PAPOLA: variants seen among roughly 807,000 people sequenced by gnomAD.
The protein encoded by PAPOLA is poly(A) polymerase alpha.
In PAPOLA, 15 loss-of-function variants were observed where a neutral mutation model predicts 100.6. The observed-to-expected ratio is 0.15, with a 90% CI of 0.10 to 0.23. PAPOLA has a LOEUF of 0.23. Ranked by LOEUF, PAPOLA falls within the 10% of genes least tolerant of loss-of-function variation. The pLI, the probability that PAPOLA is intolerant of heterozygous loss-of-function variation, is 1.00. For missense variants in PAPOLA, 533 were observed against 884.2 expected, an observed-to-expected ratio of 0.60 and a Z score of 5.04; for synonymous variants, 293 against 300.0, an observed-to-expected ratio of 0.98 and a Z score of 0.24.
intron 14 of PAPOLA, 86 bp downstream of exon 14, chr14:96,542,979 T>C: frequency 1.4e-6 from 2 of 1,389,572 alleles, no homozygotes. Flanking sequence ...ATAACTAGTA[T>C]AACTATTCTG....
At chr14:96,543,760 ATTAAG>A (rs1475177682) in intron 14 of PAPOLA, among the ~76,000 whole-genome samples, 1 of 152,052 alleles carries the variant, frequency 6.6e-6, no homozygotes, top group Non-Finnish European at 1.5e-5. Context: ...AGAAATATCT[ATTAAG>A]TTCTAGTTAA....
At chr14:96,539,098 G>C (rs565216205) in intron 12 of PAPOLA, among the ~76,000 whole-genome samples, 2 of 151,996 alleles carry the variant, frequency 1.3e-5, no homozygotes, top group Non-Finnish European at 2.9e-5. Context: ...TTTAAATGCC[G>C]CTTCTGAGAT....
In PAPOLA at chr14:96,565,426, G is replaced by A. The variant is rs1281780236; in HGVS notation, c.*376G>A. 1 of 325,412 alleles carries A rather than the reference G, an allele frequency of 3.1e-6. No individual in the cohort carries two copies. The highest frequency in any genetic ancestry group is 5.6e-6 in the Non-Finnish European group (1 of 179,380). The allele number at this position is 325,412 out of a possible 1,614,324, so 20.2% of individuals were successfully genotyped here. A position where few individuals can be genotyped will look rare whatever the true frequency, so the allele number is the denominator to read the frequency against. Reference sequence around the variant, plus strand: ...ACTTATTCTGATGATGCACTTTTATGTATTTTTCATTAGAAAGTAGAACTA... The same window carrying A: ...ACTTATTCTGATGATGCACTTTTATATATTTTTCATTAGAAAGTAGAACTA... On this transcript the variant is annotated 3_prime_UTR_variant, in exon 22 of 22. Transcript: ENST00000216277.
At chr14:96,542,671 CTG>C (rs1900088560) in intron 13 of PAPOLA, 101 bp from the exon 14 acceptor site, 2 of 1,083,662 alleles carry the variant, frequency 1.8e-6, no homozygotes, top group African/African-American at 3.3e-5. Context: ...CTGGTTTTAT[CTG>C]TGGGAGTTCA....
chr14:96,522,877 G>A (rs961537690), intron 3 of PAPOLA, among the ~76,000 whole-genome samples: 4 of 152,052 alleles, frequency 2.6e-5, no homozygotes, highest in African/African-American at 9.7e-5. Context: ...TACAAAATCC[G>A]TGTTTAATCT....
intron 14 of PAPOLA, among the ~76,000 whole-genome samples, chr14:96,543,931 A>C (rs969460611): frequency 1.3e-5 from 2 of 152,108 alleles, no homozygotes; most frequent in Admixed American, 1.3e-4. Context: ...CACAGTTAGT[A>C]AGAGTATATT....
chr14:96,533,546 C>CTTTTTTTTTT (rs1172413058), intron 9 of PAPOLA: 13 of 574,896 alleles, frequency 2.3e-5, no homozygotes, highest in Admixed American at 2.0e-4. Context: ...GTCAGAATTT[C>CTTTTTTTTTT]TTTTTTTTTT....
chr14:96,521,493 T>TTTA (rs1897959465), intron 3 of PAPOLA, among the ~76,000 whole-genome samples: 1 of 152,042 alleles, frequency 6.6e-6, no homozygotes, highest in African/African-American at 2.4e-5. Flanking sequence ...TTATTTATTT[T>TTTA]TTATTTATTT....
chr14:96,559,016 ATTTT>A (rs753986932), intron 19 of PAPOLA, among the ~76,000 whole-genome samples: 2 of 131,368 alleles, frequency 1.5e-5, no homozygotes, highest in Admixed American at 7.6e-5. Context: ...TTTCCCTGTA[ATTTT>A]TTTTTTTTTT....
At chr14:96,506,052 C>T (rs1896694563) in intron 1 of PAPOLA, among the ~76,000 whole-genome samples, 2 of 152,046 alleles carry the variant, frequency 1.3e-5, no homozygotes, top group Non-Finnish European at 1.5e-5. Flanking sequence ...TACAGGTGTA[C>T]GCCACCACGC....
At chr14:96,518,677 G>A (rs928199352) in intron 1 of PAPOLA, among the ~76,000 whole-genome samples, 5 of 151,930 alleles carry the variant, frequency 3.3e-5, no homozygotes, top group African/African-American at 9.7e-5. Flanking sequence ...GATTACAAGC[G>A]TGAGCCACCG....
chr14:96,543,609 A>G (rs969408302), intron 14 of PAPOLA, among the ~76,000 whole-genome samples: 1 of 151,890 alleles, frequency 6.6e-6, no homozygotes, highest in Non-Finnish European at 1.5e-5. Context: ...TTTTGTGGTA[A>G]TTCTAATCTT....
Position 96,565,239 on chromosome 14 carries a change from T to C in PAPOLA, c.*189T>C, listed in dbSNP as rs1566872095. 4 of 498,812 alleles carry C rather than the reference T, an allele frequency of 8.0e-6. No homozygotes were observed. Among genetic ancestry groups the C allele is most frequent in the Non-Finnish European group, 1.1e-5 (3 of 275,670 alleles). The allele number at this position is 498,812 out of a possible 1,614,324, so 30.9% of individuals were successfully genotyped here. On this transcript the variant is annotated 3_prime_UTR_variant, in exon 22 of 22. Coordinates refer to ENST00000216277, the MANE Select transcript of PAPOLA (RefSeq NM_032632.5). ...GGTTAGTATGTGAAGCCAGGAGTAC[T>C]ATTATTATTGTGTTAGCAACAGTTG...
rs1902226866 is a variant in PAPOLA, at chr14:96,565,810, A to G, written c.*760A>G. ...GAAAGCTCTGTGTTCTTTTGCCTTC[A>G]ATCTGTTGTCTTCAAAACAAACAAA... is the stretch of plus-strand genomic sequence containing the variant. On this transcript the variant is annotated 3_prime_UTR_variant, in exon 22 of 22. Transcript: ENST00000216277. 3 of 398,236 alleles carry G rather than the reference A, an allele frequency of 7.5e-6. No homozygotes were observed. The highest frequency in any genetic ancestry group is 1.3e-5 in the Non-Finnish European group (3 of 225,742). The allele number at this position is 398,236 out of a possible 1,614,324, so 24.7% of individuals were successfully genotyped here. A position where few individuals can be genotyped will look rare whatever the true frequency, so the allele number is the denominator to read the frequency against.
intron 1 of PAPOLA, among the ~76,000 whole-genome samples, chr14:96,513,512 CA>C (rs1223578479): frequency 6.6e-6 from 1 of 152,132 alleles, no homozygotes; most frequent in Non-Finnish European, 1.5e-5. Flanking sequence ...AGTTGCTAGA[CA>C]AACTTTTAAA....
In PAPOLA at chr14:96,528,020, C is replaced by G. The variant is rs1366673511; in HGVS notation, c.495+14C>G. 1 of 1,564,144 alleles carries G rather than the reference C, an allele frequency of 6.4e-7. No individual in the cohort carries two copies. Among genetic ancestry groups the G allele is most frequent in the Non-Finnish European group, 8.8e-7 (1 of 1,134,946 alleles). Reference sequence around the variant, plus strand: ...GATGGGATAGAGGTAAGGTATAGTTCAAATTGACAGTTCTTGCTATGTGCT... The same window carrying G: ...GATGGGATAGAGGTAAGGTATAGTTGAAATTGACAGTTCTTGCTATGTGCT... On this transcript the variant is annotated intron_variant, in intron 6 of 21. Coordinates refer to ENST00000216277, the MANE Select transcript of PAPOLA (RefSeq NM_032632.5).
intron 18 of PAPOLA, 90 bp from the exon 19 acceptor site, chr14:96,556,081 TATTC>T: frequency 8.2e-7 from 1 of 1,225,104 alleles, no homozygotes; most frequent in Non-Finnish European, 1.2e-6. Context: ...CATGTAAAGT[TATTC>T]ATGAAATCAA....
chr14:96,555,844 TA>T lies in PAPOLA; in HGVS notation c.1665-2del. ...AGACAATTTTTAATTTTTTTTTTTT[TA>T]GCAGAAACAGTCCTGCTCCAGCTGT... is the stretch of plus-strand genomic sequence containing the variant. On this transcript the variant is annotated splice_acceptor_variant, in intron 17 of 21. Transcript: ENST00000216277. LOFTEE classifies it high-confidence loss of function. 1.4e-6 allele frequency: 2 copies of T among 1,452,672 alleles called. No homozygotes were observed. The highest frequency in any genetic ancestry group is 9.3e-7 in the Non-Finnish European group (1 of 1,076,934). 90.0% of individuals were successfully genotyped at this position (1,452,672 alleles called of 1,614,324 possible).
intron 14 of PAPOLA, among the ~76,000 whole-genome samples, chr14:96,543,556 T>C (rs72706851): frequency 0.027 from 4,062 of 151,514 alleles, 79 homozygotes; most frequent in Non-Finnish European, 0.04. Flanking sequence ...TTATTGATTA[T>C]ATAGATTTTT....
Sources: gnomAD v4.1 joint callset for allele counts (sites outside exome capture counted in the v4.1 genomes callset) on GRCh38, gnomAD v4.1.1 for gene constraint, MANE v1.5 for transcripts, NCBI Gene and HGNC (gene_info 2026-07-23, HGNC 2026-07-21) for gene names.